ZDHHC14: variants seen among roughly 807,000 people sequenced by gnomAD.
ZDHHC14 encodes the protein zDHHC palmitoyltransferase 14, also known as palmitoyltransferase ZDHHC14.
A neutral mutation model predicts 47.7 loss-of-function variants in ZDHHC14; 16 were observed. The ratio of observed to expected loss-of-function variants is 0.34; its 90% confidence interval spans 0.23 to 0.51. The LOEUF (loss-of-function observed/expected upper bound fraction) is 0.51. ZDHHC14 is among the 20% of genes least tolerant of loss of function. The pLI, the probability that ZDHHC14 is intolerant of heterozygous loss-of-function variation, is 0.97. For missense variants in ZDHHC14, 515 were observed against 662.5 expected, an observed-to-expected ratio of 0.78 and a Z score of 2.44; for synonymous variants, 293 against 278.9, an observed-to-expected ratio of 1.05 and a Z score of -0.50.
chr6:157,526,242 C>A (rs1326832238), intron 1 of ZDHHC14, among the ~76,000 whole-genome samples: 1 of 152,214 alleles, frequency 6.6e-6, no homozygotes, highest in Non-Finnish European at 1.5e-5. Flanking sequence ...CAAAACAACA[C>A]TACAATAAGA....
chr6:157,640,591 A>G (rs959141531), intron 5 of ZDHHC14, among the ~76,000 whole-genome samples: 3 of 152,210 alleles, frequency 2.0e-5, no homozygotes, highest in African/African-American at 7.2e-5. Flanking sequence ...TGTGCTGAGA[A>G]GTGAATGACT....
chr6:157,657,877 A>G (rs961186944), intron 8 of ZDHHC14, among the ~76,000 whole-genome samples: 1 of 152,176 alleles, frequency 6.6e-6, no homozygotes, highest in African/African-American at 2.4e-5. Flanking sequence ...ATGGGGATTC[A>G]CTGTGTGGAG....
rs1187817263 is a variant in ZDHHC14 at position 157,522,767 on chromosome 6, T to TTC, written c.246-19818_246-19817insTC. On this transcript the variant is annotated intron_variant, in intron 1 of 8. Transcript: ENST00000359775. The stretch of plus-strand genomic sequence containing the variant: ...TCCCTTTCTTCCTCCCTCCCTCCCT[T>TTC]CTTTCCTCCATCTCTCTTTCCATTC... Among the ~76,000 whole-genome samples the TTC allele has an allele frequency of 1.2e-4, 6 of 51,874 alleles. 1 individual carries two copies. Among genetic ancestry groups the TTC allele is most frequent in the African/African-American group, 6.3e-4 (6 of 9,538 alleles). The allele number at this position is 51,874 out of a possible 152,430, so 34.0% of individuals were successfully genotyped here.
At chr6:157,416,579 G>A (rs1348563488) in intron 1 of ZDHHC14, among the ~76,000 whole-genome samples, 9 of 149,764 alleles carry the variant, frequency 6.0e-5, no homozygotes, top group Admixed American at 1.3e-4. Flanking sequence ...TGAGGTGGGA[G>A]CTTGCTTGAG....
At chr6:157,592,784 G>A in intron 2 of ZDHHC14, 3 of 1,382,250 alleles carry the variant, frequency 2.2e-6, no homozygotes, top group South Asian at 3.7e-5. Context: ...TCAGTCACGT[G>A]GCCCCTGCAC....
intron 5 of ZDHHC14, among the ~76,000 whole-genome samples, chr6:157,640,871 G>A (rs1777215994): frequency 6.6e-6 from 1 of 152,204 alleles, no homozygotes; most frequent in South Asian, 2.1e-4. Flanking sequence ...TGTTTCTCTT[G>A]ACCCTTCCTC....
intron 1 of ZDHHC14, among the ~76,000 whole-genome samples, chr6:157,425,631 T>G (rs1187017530): frequency 6.6e-6 from 1 of 152,200 alleles, no homozygotes; most frequent in Non-Finnish European, 1.5e-5. Flanking sequence ...ACTAAGCATT[T>G]TTGAAGAGGG....
chr6:157,417,372 A>G (rs1778004201), intron 1 of ZDHHC14, among the ~76,000 whole-genome samples: 1 of 150,788 alleles, frequency 6.6e-6, no homozygotes, highest in African/African-American at 2.4e-5. Flanking sequence ...ACTGTTCTGT[A>G]CTCTGTTTTT....
intron 1 of ZDHHC14, among the ~76,000 whole-genome samples, chr6:157,489,487 G>A (rs986044607): frequency 1.3e-5 from 2 of 151,514 alleles, no homozygotes; most frequent in African/African-American, 2.4e-5. Context: ...TTTAAAAAAC[G>A]TTGTTCTCAT....
chr6:157,610,686 A>G (rs1460134278), intron 3 of ZDHHC14, among the ~76,000 whole-genome samples: 3 of 152,182 alleles, frequency 2.0e-5, no homozygotes, highest in Non-Finnish European at 4.4e-5. Context: ...GAGCTTGTGG[A>G]CAGACCCATG....
intron 2 of ZDHHC14, among the ~76,000 whole-genome samples, chr6:157,554,937 G>A (rs1388367525): frequency 6.6e-6 from 1 of 152,154 alleles, no homozygotes; most frequent in Non-Finnish European, 1.5e-5. Flanking sequence ...ACCTGAATTA[G>A]GGGTGCCTGC....
chr6:157,454,502 T>C (rs549557564), intron 1 of ZDHHC14, among the ~76,000 whole-genome samples: 40,513 of 147,010 alleles, frequency 0.28, 5,848 homozygotes, highest in East Asian at 0.5. Flanking sequence ...CTTCTTCTTT[T>C]TTTTTTTTTT....
In ZDHHC14 at chr6:157,463,406, TAAGACCTCC is replaced by T. The variant is rs200465211; in HGVS notation, c.246-79177_246-79169del. ...TTCTAATGAGCTATTATTATTATTT[TAAGACCTCC>T]AGAGGTCTTAAAAGCACCCCAAAAT... On this transcript the variant is annotated intron_variant, in intron 1 of 8. Coordinates refer to ENST00000359775, the MANE Select transcript of ZDHHC14 (RefSeq NM_024630.3). The surrounding 1 kb of genome is among the most constrained non-coding windows in gnomAD (Gnocchi z 4.4). 1.1e-3 allele frequency among the ~76,000 whole-genome samples: 169 copies of T among 152,322 alleles called. 1 individual carries two copies. In the East Asian group the frequency reaches 0.018, roughly 17 times the overall value.
intron 8 of ZDHHC14, 64 bp from the exon 9 acceptor site, chr6:157,672,653 CCATCCCT>C: frequency 9.4e-7 from 1 of 1,068,040 alleles, no homozygotes; most frequent in Non-Finnish European, 1.4e-6. Context: ...TGCCCTGTCC[CCATCCCT>C]GTCCCTCCCC....
At chr6:157,519,433 G>A (rs372281640) in intron 1 of ZDHHC14, among the ~76,000 whole-genome samples, 4 of 151,390 alleles carry the variant, frequency 2.6e-5, no homozygotes, top group Admixed American at 6.6e-5. Flanking sequence ...TAGGCTGCTC[G>A]TTAACTGTGG....
chr6:157,540,920 A>G (rs1181377699), intron 1 of ZDHHC14, among the ~76,000 whole-genome samples: 16 of 88,494 alleles, frequency 1.8e-4, no homozygotes, highest in Non-Finnish European at 2.1e-4. Flanking sequence ...GTATATATAT[A>G]TATATATATA....
At chr6:157,626,897 G>A (rs953779463) in intron 3 of ZDHHC14, among the ~76,000 whole-genome samples, 1 of 148,454 alleles carries the variant, frequency 6.7e-6, no homozygotes, top group African/African-American at 2.5e-5. Context: ...AGCTGGGGGG[G>A]GGGCGGCGGG....
chr6:157,599,994 A>G (rs1784279547), intron 3 of ZDHHC14, among the ~76,000 whole-genome samples: 1 of 152,248 alleles, frequency 6.6e-6, no homozygotes, highest in Non-Finnish European at 1.5e-5. Context: ...AGGAGTGAGT[A>G]GAAAACTGGA....
intron 1 of ZDHHC14, among the ~76,000 whole-genome samples, chr6:157,523,849 C>G (rs1471760601): frequency 1.3e-5 from 2 of 152,088 alleles, no homozygotes; most frequent in Admixed American, 1.3e-4. Context: ...TGCAGTGGGC[C>G]GTGATCTCAC....
Sources: gnomAD v4.1 joint callset for allele counts (sites outside exome capture counted in the v4.1 genomes callset) on GRCh38, gnomAD v4.1.1 for gene constraint, Gnocchi (gnomAD v3.1) non-coding constraint, MANE v1.5 for transcripts, NCBI Gene and HGNC (gene_info 2026-07-23, HGNC 2026-07-21) for gene names.